Variants in GRIK2 observed in about 807,000 individuals in gnomAD.
GRIK2 encodes glutamate receptor ionotropic, kainate 2.
A neutral mutation model predicts 100.3 loss-of-function variants in GRIK2; 32 were observed. That is an observed-to-expected ratio of 0.32 (90% CI 0.24 to 0.43). The LOEUF is 0.43. Among genes scored for constraint, GRIK2 ranks in the 20% least tolerant of loss-of-function variants. The pLI is 1.00. For synonymous variants in GRIK2, 417 were observed against 389.4 expected (o/e 1.07, Z -0.83); for missense variants, 843 against 1,114.9 (o/e 0.76, Z 3.47).
At chr6:101,827,085 C>G (rs1221559371) in intron 10 of GRIK2, among the ~76,000 whole-genome samples, 1 of 151,868 alleles carries the variant, frequency 6.6e-6, no homozygotes, top group Admixed American at 6.6e-5. Context: ...AAAACAGAAA[C>G]TTTTCTTAGA....
intron 2 of GRIK2, among the ~76,000 whole-genome samples, chr6:101,449,147 T>G (rs1770532980): frequency 6.6e-6 from 1 of 151,610 alleles, no homozygotes; most frequent in Non-Finnish European, 1.5e-5. Context: ...TCTTAAGGAA[T>G]AAAAATGGTA....
chr6:101,972,266 T>A lies in GRIK2; in HGVS notation c.2085+43634T>A, dbSNP rs1163102079. On this transcript the variant is annotated intron_variant, in intron 14 of 16. Transcript: ENST00000369134. ...TTCTCCCGAGCCTCACCAGCATCAT[T>A]GTTTTTTGTCTGTTTAATAATCACC... is the stretch of plus-strand genomic sequence containing the variant. Among the ~76,000 whole-genome samples the A allele has an allele frequency of 2.0e-5, 3 of 152,000 alleles. No individual in the cohort carries two copies. The East Asian group carries it at 5.8e-4, about 30-fold the overall frequency.
At chr6:101,419,795 A>T (rs1303909393) in intron 2 of GRIK2, among the ~76,000 whole-genome samples, 4 of 152,194 alleles carry the variant, frequency 2.6e-5, no homozygotes, top group Non-Finnish European at 5.9e-5. Flanking sequence ...ACTTGAATGT[A>T]GTTGAATTTC....
chr6:101,597,270 G>A (rs1452426812), intron 2 of GRIK2, among the ~76,000 whole-genome samples: 5 of 151,674 alleles, frequency 3.3e-5, no homozygotes, highest in Middle Eastern at 6.8e-3. Flanking sequence ...AACCTGTTAG[G>A]TACTATGCTT....
At chr6:101,988,769 C>A (rs966188601) in intron 14 of GRIK2, among the ~76,000 whole-genome samples, 1 of 151,838 alleles carries the variant, frequency 6.6e-6, no homozygotes, top group African/African-American at 2.4e-5. Context: ...AACAAATTCA[C>A]AGTCTGGGTG....
intron 12 of GRIK2, 74 bp from the exon 13 acceptor site, chr6:101,924,527 G>T: frequency 3.8e-6 from 3 of 787,452 alleles, no homozygotes; most frequent in Admixed American, 3.9e-5. Flanking sequence ...TGTTTCTTTT[G>T]CAGCAAAAAA....
At chr6:101,619,602 GT>G (rs1364598376) in intron 2 of GRIK2, among the ~76,000 whole-genome samples, 5 of 151,862 alleles carry the variant, frequency 3.3e-5, no homozygotes, top group African/African-American at 4.8e-5. Context: ...AGAAGATTCA[GT>G]TTTTTGTTTT....
intron 7 of GRIK2, among the ~76,000 whole-genome samples, chr6:101,711,795 A>G (rs1430604125): frequency 6.6e-6 from 1 of 150,928 alleles, no homozygotes; most frequent in African/African-American, 2.4e-5. Flanking sequence ...TGGCATTTTC[A>G]TGTATTCTGG....
chr6:102,038,443 T>C (rs1257212912), intron 15 of GRIK2, among the ~76,000 whole-genome samples: 3 of 150,564 alleles, frequency 2.0e-5, no homozygotes, highest in South Asian at 2.1e-4. Flanking sequence ...CACTCTCTCC[T>C]GGTTTCCATT....
rs758541113 is a variant in GRIK2 at position 101,958,284 on chromosome 6, G to GTGTGTGT, written c.2085+29652_2085+29653insTGTGTGT. On this transcript the variant is annotated intron_variant, in intron 14 of 16. Coordinates refer to ENST00000369134, the MANE Select transcript of GRIK2 (RefSeq NM_021956.5). ...GTGTGTGTGTGTGTGTGTGTGTGTGGGTCCATTGCAAGTGAGACTGCATTC... is the reference window on the plus strand; with the variant it reads ...GTGTGTGTGTGTGTGTGTGTGTGTGGTGTGTGTGTCCATTGCAAGTGAGACTGCATTC... Among the ~76,000 whole-genome samples, 32 of 18,894 alleles carry GTGTGTGT rather than the reference G, an allele frequency of 1.7e-3. 1 individual carries two copies. Among genetic ancestry groups the GTGTGTGT allele is most frequent in the East Asian group, 5.7e-3 (5 of 878 alleles). 12.4% of individuals were successfully genotyped at this position (18,894 alleles called of 152,430 possible).
At position 101,862,695 on chromosome 6, in the gene GRIK2, G is replaced by C. The variant is rs184121740; in HGVS notation, c.1524+3202G>C. ...CTGCCTTAGCCTCTGGAGTAACTGG[G>C]ATTATCGACATGAGCCACTGTGCCT... On this transcript the variant is annotated intron_variant, in intron 11 of 16. Coordinates refer to ENST00000369134, the MANE Select transcript of GRIK2 (RefSeq NM_021956.5). Among the ~76,000 whole-genome samples the C allele has an allele frequency of 2.6e-5, 4 of 152,092 alleles. No individual in the cohort carries two copies. In the East Asian group the frequency reaches 7.7e-4, roughly 29 times the overall value.
At chr6:101,643,495 A>T (rs1463955455) in intron 4 of GRIK2, among the ~76,000 whole-genome samples, 2 of 151,536 alleles carry the variant, frequency 1.3e-5, no homozygotes, top group Non-Finnish European at 3.0e-5. Flanking sequence ...TCATTTATTG[A>T]CCACATATGT....
At chr6:101,525,522 C>T (rs913771256) in intron 2 of GRIK2, among the ~76,000 whole-genome samples, 1 of 152,134 alleles carries the variant, frequency 6.6e-6, no homozygotes, top group Non-Finnish European at 1.5e-5. Flanking sequence ...AAAACACATC[C>T]AGTGCAACAT....
At chr6:101,983,897 T>A (rs1793864886) in intron 14 of GRIK2, among the ~76,000 whole-genome samples, 1 of 151,680 alleles carries the variant, frequency 6.6e-6, no homozygotes, top group East Asian at 1.9e-4. Context: ...AATTTGAGAA[T>A]CACCATATAT....
At chr6:101,403,856 T>A (rs941132309) in intron 2 of GRIK2, among the ~76,000 whole-genome samples, 1 of 152,268 alleles carries the variant, frequency 6.6e-6, no homozygotes, top group East Asian at 1.9e-4. Flanking sequence ...AGCTGTGGAA[T>A]GCAAGGGAGA....
intron 2 of GRIK2, among the ~76,000 whole-genome samples, chr6:101,614,009 AG>A (rs943612610): frequency 2.7e-4 from 41 of 151,630 alleles, no homozygotes; most frequent in African/African-American, 8.7e-4. Flanking sequence ...CTCTCCAGAG[AG>A]GTGAGGGACT....
At position 101,590,936 on chromosome 6, in the gene GRIK2, T is replaced by C. The variant is rs139661888; in HGVS notation, c.116-31013T>C. On this transcript the variant is annotated intron_variant, in intron 2 of 16. Transcript: ENST00000369134. ...TCTTCCCTGGACCCTGACTAACACATGGACCATGTAAGAAGTTGGTCGGAA... is the reference window on the plus strand; with the variant it reads ...TCTTCCCTGGACCCTGACTAACACACGGACCATGTAAGAAGTTGGTCGGAA... Among the ~76,000 whole-genome samples the C allele has an allele frequency of 4.1e-3, 625 of 152,204 alleles. 2 individuals carry two copies. The highest frequency in any genetic ancestry group is 0.014 in the African/African-American group (593 of 41,548).
chr6:101,647,812 A>G (rs1262614048), intron 4 of GRIK2, among the ~76,000 whole-genome samples: 1 of 152,086 alleles, frequency 6.6e-6, no homozygotes, highest in African/African-American at 2.4e-5. Context: ...GAACTAGTAT[A>G]TTAATCATTC....
At chr6:101,959,684 T>G (rs188630662) in intron 14 of GRIK2, among the ~76,000 whole-genome samples, 1 of 152,276 alleles carries the variant, frequency 6.6e-6, no homozygotes, top group African/African-American at 2.4e-5. Context: ...GGTTGTTAAT[T>G]TGGAATATTT....
Sources: allele counts gnomAD v4.1 joint callset (sites outside exome capture counted in the v4.1 genomes callset), GRCh38; gene constraint gnomAD v4.1.1; transcripts MANE v1.5; gene names NCBI Gene and HGNC (gene_info 2026-07-23, HGNC 2026-07-21).